Variants in KMT2A observed in about 807,000 individuals in gnomAD.
The protein encoded by KMT2A is lysine methyltransferase 2A.
KMT2A carries 16 observed loss-of-function variants against 345.3 expected under a neutral mutation model. The ratio of observed to expected loss-of-function variants is 0.05; its 90% CI spans 0.03 to 0.07. KMT2A has a LOEUF of 0.07. Among genes scored for constraint, KMT2A ranks in the 10% least tolerant of loss-of-function variants. The pLI is 1.00. For synonymous variants in KMT2A, 1,599 were observed against 1,778.6 expected (o/e 0.90, Z 2.54); for missense variants, 3,272 against 4,841.6 (o/e 0.68, Z 9.62).
chr11:118,495,949 C>T lies in KMT2A; in HGVS notation c.5557+56C>T. 7.2e-7 allele frequency: 1 copy of T among 1,390,462 alleles called. No homozygotes were observed. The highest frequency in any genetic ancestry group is 1.3e-5 in the South Asian group (1 of 76,108). 86.1% of individuals were successfully genotyped at this position (1,390,462 alleles called of 1,614,324 possible). ...TTTCCCTCTAGATGCAGATGATTGA[C>T]TTCGTGAATCCAATTCACTAAAATT... On this transcript the variant is annotated intron_variant, in intron 19 of 35. Transcript: ENST00000534358. The surrounding 1 kb of genome is among the most constrained non-coding windows in gnomAD (Gnocchi z 4.1).
Position 118,510,087 on chromosome 11 carries a change from T to C in KMT2A, c.11040T>C (p.Asp3680=). 1 of 1,613,930 alleles carries C rather than the reference T, an allele frequency of 6.2e-7. No homozygotes were observed. Among genetic ancestry groups the C allele is most frequent in the Middle Eastern group, 1.6e-4 (1 of 6,062 alleles). Residue 3680 remains aspartate, a synonymous_variant, in exon 30 of 36, where the codon GAT becomes GAC. Transcript: ENST00000534358. This position sits in a 1 kb window ranked among gnomAD's most constrained non-coding sequence, Gnocchi z 4.1. ...KGLVFEISSD[D]GFQICAESIE... The stretch of plus-strand genomic sequence containing the variant: ...TTGTTTTTGAAATTTCCAGTGATGA[T>C]GGCTTTCAGATCTGTGCAGAAAGTA...
Position 118,436,563 on chromosome 11 carries a change from G to A in KMT2A, c.51G>A (p.Gly17=), listed in dbSNP as rs1949183905. The change falls in exon 1 of 36, where the codon GGG becomes GGA. Residue 17 remains glycine, a synonymous_variant. Coordinates refer to ENST00000534358, the MANE Select transcript of KMT2A (RefSeq NM_001197104.2). This position sits in a 1 kb window ranked among gnomAD's most constrained non-coding sequence, Gnocchi z 6.9. Reference sequence around the variant, plus strand: ...TCCCCGCCCGACCCGGGACCACCGGGGGCGGCGGCGGCGGGGGGCGCCGGG... The same window carrying A: ...TCCCCGCCCGACCCGGGACCACCGGAGGCGGCGGCGGCGGGGGGCGCCGGG... ...WRFPARPGTT[G]GGGGGGRRGL... The A allele has an allele frequency of 2.2e-5, 27 of 1,203,380 alleles. No homozygotes were observed. The highest frequency in any genetic ancestry group is 2.8e-5 in the Non-Finnish European group (27 of 957,354). The allele number at this position is 1,203,380 out of a possible 1,614,324, so 74.5% of individuals were successfully genotyped here. A position where few individuals can be genotyped will look rare whatever the true frequency, so the allele number is the denominator to read the frequency against.
In KMT2A at chr11:118,473,568, G is replaced by C. The variant is rs369782631; in HGVS notation, c.2409G>C (p.Leu803=). 7.4e-6 allele frequency: 12 copies of C among 1,613,876 alleles called. No individual in the cohort carries two copies. In the African/African-American group the frequency reaches 9.3e-5, roughly 13 times the overall value. The change falls in exon 3 of 36, where the codon CTG becomes CTC. Residue 803 remains leucine, a synonymous_variant. Transcript: ENST00000534358. The surrounding 1 kb of genome is among the most constrained non-coding windows in gnomAD (Gnocchi z 5.2). ...NPTFTFPSHS[L]TQSGESAEKN... is the part of the protein sequence containing the mutation. Reference sequence around the variant, plus strand: ...CTTTTACTTTTCCTTCTCATTCCCTGACTCAGTCTGGGGAATCTGCAGAGA... The same window carrying C: ...CTTTTACTTTTCCTTCTCATTCCCTCACTCAGTCTGGGGAATCTGCAGAGA...
intron 1 of KMT2A, 141 bp from the exon 2 acceptor site, chr11:118,468,634 T>C (rs1380985325): frequency 1.5e-6 from 1 of 650,808 alleles, no homozygotes; most frequent in African/African-American, 1.8e-5. Flanking sequence ...AGTTATTTTA[T>C]AGTATCCATT....
chr11:118,486,987 C>T (rs1555041066), intron 10 of KMT2A, among the ~76,000 whole-genome samples: 1 of 152,182 alleles, frequency 6.6e-6, no homozygotes, highest in Non-Finnish European at 1.5e-5. Context: ...AGAAAGTCAA[C>T]CCTGCCCACT....
chr11:118,442,434 T>C (rs1447281811), intron 1 of KMT2A, among the ~76,000 whole-genome samples: 2 of 152,196 alleles, frequency 1.3e-5, no homozygotes, highest in African/African-American at 2.4e-5. Flanking sequence ...TGCCACAGAG[T>C]TCACTGTTAC....
chr11:118,460,113 G>A (rs1382446520), intron 1 of KMT2A, among the ~76,000 whole-genome samples: 1 of 152,152 alleles, frequency 6.6e-6, no homozygotes, highest in African/African-American at 2.4e-5. Flanking sequence ...ACTAGAAACT[G>A]TGTCACATCT....
In KMT2A at chr11:118,484,638, T is replaced by C. The variant is rs1039889558; in HGVS notation, c.4219-224T>C. ...AACTGTAAGAGAAATTCAATCCCAG[T>C]GTATTTTCGCAATATATTCAATATG... On this transcript the variant is annotated intron_variant, in intron 9 of 35. Transcript: ENST00000534358. The surrounding 1 kb of genome is among the most constrained non-coding windows in gnomAD (Gnocchi z 4.1). 6.6e-6 allele frequency among the ~76,000 whole-genome samples: 1 copy of C among 152,226 alleles called. No individual in the cohort carries two copies. The highest frequency in any genetic ancestry group is 1.5e-5 in the Non-Finnish European group (1 of 68,042).
At chr11:118,486,820 C>T (rs1786451) in intron 10 of KMT2A, among the ~76,000 whole-genome samples, 2 of 152,048 alleles carry the variant, frequency 1.3e-5, no homozygotes, top group African/African-American at 2.4e-5. Context: ...CCCAGGAGAT[C>T]GAGGCTGCAG....
At chr11:118,455,303 A>G (rs1437757371) in intron 1 of KMT2A, among the ~76,000 whole-genome samples, 3 of 152,246 alleles carry the variant, frequency 2.0e-5, no homozygotes, top group Non-Finnish European at 4.4e-5. Flanking sequence ...AGAGTCAAAC[A>G]GTACCTGGCA....
chr11:118,468,436 A>G (rs1339868110), intron 1 of KMT2A, among the ~76,000 whole-genome samples: 1 of 152,178 alleles, frequency 6.6e-6, no homozygotes, highest in Non-Finnish European at 1.5e-5. Flanking sequence ...TTCTGCCATT[A>G]TACTTATTTG....
intron 24 of KMT2A, chr11:118,500,640 T>C (rs150282338): frequency 4.8e-4 from 80 of 166,638 alleles, no homozygotes; most frequent in Non-Finnish European, 9.4e-4. Context: ...CCGTACTTTG[T>C]ATACATTGTA....
intron 1 of KMT2A, chr11:118,438,950 G>C: frequency 2.2e-6 from 1 of 445,650 alleles, no homozygotes; most frequent in South Asian, 1.6e-5. Context: ...CAGTCAGCAG[G>C]GTTGTTTGAG....
chr11:118,489,212 A>T (rs1950283994), intron 11 of KMT2A, among the ~76,000 whole-genome samples: 1 of 137,514 alleles, frequency 7.3e-6, no homozygotes, highest in Admixed American at 8.0e-5. Flanking sequence ...AGCCTGGGTG[A>T]CACAGTGAGA....
At chr11:118,441,568 A>G (rs964220519) in intron 1 of KMT2A, among the ~76,000 whole-genome samples, 2 of 152,196 alleles carry the variant, frequency 1.3e-5, no homozygotes, top group Admixed American at 6.5e-5. Context: ...TCTAGGTGGT[A>G]TATTCCTGTA....
Position 118,472,713 on chromosome 11 carries a change from C to T in KMT2A, c.1554C>T (p.Ser518=), listed in dbSNP as rs782049264. The part of the protein sequence containing the change: ...EVHPPLPISQ[S]PENESNDRRS... ...ATCCTCCACTGCCCATTTCCCAGTC[C>T]CCAGAAAATGAGAGTAATGATAGGA... The change falls in exon 3 of 36, where the codon TCC becomes TCT. Residue 518 remains serine (S), a synonymous_variant. Coordinates refer to ENST00000534358, the MANE Select transcript of KMT2A (RefSeq NM_001197104.2). The T allele has an allele frequency of 6.2e-7, 1 of 1,613,368 alleles. No individual in the cohort carries two copies. The highest frequency in any genetic ancestry group is 8.5e-7 in the Non-Finnish European group (1 of 1,179,904).
chr11:118,504,344 C>A lies in KMT2A; in HGVS notation c.8452C>A (p.Pro2818Thr), dbSNP rs782645802. 13 of 1,614,152 alleles carry A rather than the reference C, an allele frequency of 8.1e-6. No individual in the cohort carries two copies. The highest frequency in any genetic ancestry group is 8.5e-6 in the Non-Finnish European group (10 of 1,180,020). Residue 2818 changes from proline to threonine, a missense_variant, in exon 27 of 36, where the codon CCC becomes ACC. This residue lies in a region of KMT2A where 100 missense variants were observed against 101.3 expected (regional missense o/e 0.99). Coordinates refer to ENST00000534358, the MANE Select transcript of KMT2A (RefSeq NM_001197104.2). The surrounding 1 kb of genome is among the most constrained non-coding windows in gnomAD (Gnocchi z 6.4). The stretch of plus-strand genomic sequence containing the variant: ...AAGCCGCAGAGTCCACACAAGTACC[C>A]CCTCCGACAAAAATTTACTGGACAC... ...ESSRRVHTST[P>T]SDKNLLDTYN...
intron 10 of KMT2A, among the ~76,000 whole-genome samples, chr11:118,487,808 T>C (rs1211919805): frequency 6.6e-6 from 1 of 152,238 alleles, no homozygotes; most frequent in Non-Finnish European, 1.5e-5. Flanking sequence ...AATTCCTTTA[T>C]GGCAAAAGAA....
At position 118,494,251 on chromosome 11, in the gene KMT2A, G is replaced by C; in HGVS notation, c.5179-37G>C. The stretch of plus-strand genomic sequence containing the variant: ...GAGGAAATGGTTTTCAGAGCACACT[G>C]TTTTAAGAATAATTAACATTTTGTT... On this transcript the variant is annotated intron_variant, in intron 16 of 35. Coordinates refer to ENST00000534358, the MANE Select transcript of KMT2A (RefSeq NM_001197104.2). This position sits in a 1 kb window ranked among gnomAD's most constrained non-coding sequence, Gnocchi z 5.8. 1.8e-6 allele frequency: 2 copies of C among 1,100,456 alleles called. No individual in the cohort carries two copies. Among genetic ancestry groups the C allele is most frequent in the Non-Finnish European group, 2.8e-6 (2 of 714,832 alleles). The allele number at this position is 1,100,456 out of a possible 1,614,324, so 68.2% of individuals were successfully genotyped here.
Sources: gnomAD v4.1 joint callset for allele counts (sites outside exome capture counted in the v4.1 genomes callset) on GRCh38, gnomAD v4.1.1 for gene constraint, gnomAD v4.1.1 regional missense constraint, Gnocchi (gnomAD v3.1) non-coding constraint, MANE v1.5 for transcripts, NCBI Gene and HGNC (gene_info 2026-07-23, HGNC 2026-07-21) for gene names.